RNFT2: variants seen among roughly 807,000 people sequenced by gnomAD.
RNFT2 encodes E3 ubiquitin-protein ligase RNFT2.
Under a neutral mutation model 53.0 loss-of-function variants are expected in RNFT2, and 36 were observed. That is an observed-to-expected ratio of 0.68 (90% CI 0.52 to 0.90). The LOEUF (loss-of-function observed/expected upper bound fraction) is 0.90, where lower values mean the gene tolerates loss of function less well. Among genes scored for constraint, RNFT2 ranks in the 40% least tolerant of loss-of-function variants. RNFT2 has a pLI of 0.00. For synonymous variants in RNFT2, 260 were observed against 253.2 expected, an observed-to-expected ratio of 1.03 and a Z score of -0.26; for missense variants, 514 against 585.6, an observed-to-expected ratio of 0.88 and a Z score of 1.26.
At chr12:116,793,843 C>G (rs1874361921) in intron 7 of RNFT2, among the ~76,000 whole-genome samples, 1 of 152,178 alleles carries the variant, frequency 6.6e-6, no homozygotes, top group African/African-American at 2.4e-5. Flanking sequence ...CTAGCATATA[C>G]CAGTATCTGA....
At chr12:116,797,625 G>T (rs772828681) in intron 7 of RNFT2, among the ~76,000 whole-genome samples, 1 of 151,870 alleles carries the variant, frequency 6.6e-6, no homozygotes, top group Admixed American at 6.6e-5. Context: ...AGACTGTGAG[G>T]GTTCTTGGCT....
intron 7 of RNFT2, chr12:116,782,078 C>CAAAAAAAAAAAAAAAAAAAAAA (rs1171955385): frequency 2.6e-3 from 3 of 1,148 alleles, no homozygotes; most frequent in African/African-American, 4.1e-3. Flanking sequence ...GACTCCGTCT[C>CAAAAAAAAAAAAAAAAAAAAAA]CAAAAAAAAA....
chr12:116,852,802 C>CTGGAG lies in RNFT2; in HGVS notation c.*3354_*3355insTGGAG. The CTGGAG allele has an allele frequency of 7.8e-7, 1 of 1,288,716 alleles. No homozygotes were observed. The highest frequency in any genetic ancestry group is 1.1e-6 in the Non-Finnish European group (1 of 887,330). The allele number at this position is 1,288,716 out of a possible 1,614,324, so 79.8% of individuals were successfully genotyped here. On this transcript the variant is annotated 3_prime_UTR_variant, in exon 11 of 11. Coordinates refer to ENST00000257575, the MANE Select transcript of RNFT2 (RefSeq NM_001382266.1). Reference sequence around the variant, plus strand: ...GGAAGTCACTCAGCCTCCCTGTAGCCATCTCCAGGGTGACGGAACCCAGTG... The same window carrying CTGGAG: ...GGAAGTCACTCAGCCTCCCTGTAGCCTGGAGATCTCCAGGGTGACGGAACCCAGTG...
chr12:116,749,027 A>C (rs1872041383), intron 3 of RNFT2, among the ~76,000 whole-genome samples: 1 of 152,188 alleles, frequency 6.6e-6, no homozygotes, highest in Non-Finnish European at 1.5e-5. Flanking sequence ...GGTTTCAATA[A>C]AGGTTACGAC....
intron 5 of RNFT2, among the ~76,000 whole-genome samples, chr12:116,754,747 A>G (rs1297236256): frequency 6.6e-6 from 1 of 152,194 alleles, no homozygotes; most frequent in Non-Finnish European, 1.5e-5. Flanking sequence ...AGCAGCGTTA[A>G]GCATTTTTTC....
At chr12:116,796,414 T>C (rs886363018) in intron 7 of RNFT2, among the ~76,000 whole-genome samples, 1 of 152,166 alleles carries the variant, frequency 6.6e-6, no homozygotes, top group Non-Finnish European at 1.5e-5. Context: ...TCCTGAATCA[T>C]CTTAACTAAG....
chr12:116,740,173 C>T (rs2137058208), intron 1 of RNFT2, among the ~76,000 whole-genome samples, 172 bp from the exon 2 acceptor site: 1 of 151,592 alleles, frequency 6.6e-6, no homozygotes, highest in Non-Finnish European at 1.5e-5. Flanking sequence ...AAGATCGCAC[C>T]ACTCCGTCTT....
chr12:116,826,706 T>C (rs1876357257), intron 7 of RNFT2, among the ~76,000 whole-genome samples: 1 of 152,198 alleles, frequency 6.6e-6, no homozygotes, highest in African/African-American at 2.4e-5. Context: ...TCTTCAGCGT[T>C]TCAACTCTCC....
chr12:116,771,589 T>C (rs1162066910), intron 6 of RNFT2, among the ~76,000 whole-genome samples: 6 of 151,312 alleles, frequency 4.0e-5, no homozygotes, highest in Admixed American at 3.3e-4. Flanking sequence ...GTAATAGCAG[T>C]GCTTTTTAAA....
intron 5 of RNFT2, among the ~76,000 whole-genome samples, chr12:116,759,240 C>A (rs1159653741): frequency 6.6e-6 from 1 of 152,106 alleles, no homozygotes; most frequent in Admixed American, 6.6e-5. Flanking sequence ...TATCTATTTC[C>A]TTGAATATTT....
chr12:116,747,181 C>G (rs1871941385), intron 3 of RNFT2, among the ~76,000 whole-genome samples: 1 of 152,152 alleles, frequency 6.6e-6, no homozygotes, highest in African/African-American at 2.4e-5. Context: ...CTCAGCCTCC[C>G]CACTAGCTGG....
Position 116,841,918 on chromosome 12 carries a change from TAA to T in RNFT2, c.1200+5640_1200+5641del, listed in dbSNP as rs1378781702. 1.9e-3 allele frequency among the ~76,000 whole-genome samples: 71 copies of T among 38,024 alleles called. 1 individual carries two copies. Among genetic ancestry groups the T allele is most frequent in the African/African-American group, 6.0e-3 (30 of 5,006 alleles). The allele number at this position is 38,024 out of a possible 152,430, so 24.9% of individuals were successfully genotyped here. A position where few individuals can be genotyped will look rare whatever the true frequency, so the allele number is the denominator to read the frequency against. On this transcript the variant is annotated intron_variant, in intron 10 of 10. Coordinates refer to ENST00000257575, the MANE Select transcript of RNFT2 (RefSeq NM_001382266.1). ...AAATATATATATATAAATATATATATAAAAATATATATATATAAATATATATA... is the reference window on the plus strand; with the variant it reads ...AAATATATATATATAAATATATATATAAATATATATATATAAATATATATA...
intron 4 of RNFT2, among the ~76,000 whole-genome samples, chr12:116,753,091 C>T (rs1459018200): frequency 6.7e-6 from 1 of 150,202 alleles, no homozygotes; most frequent in African/African-American, 2.4e-5. Flanking sequence ...TCTCATTGAA[C>T]ATTAAACTTG....
At chr12:116,769,451 C>A (rs1566075728) in intron 6 of RNFT2, among the ~76,000 whole-genome samples, 1 of 152,096 alleles carries the variant, frequency 6.6e-6, no homozygotes, top group Admixed American at 6.6e-5. Flanking sequence ...TGAAGATCTT[C>A]CAGTGGGACA....
At chr12:116,779,066 C>T in intron 6 of RNFT2, 129 bp from the exon 7 acceptor site, 1 of 956,396 alleles carries the variant, frequency 1.0e-6, no homozygotes, top group Non-Finnish European at 1.6e-6. Flanking sequence ...AGGAAAAGGA[C>T]ACAGACGTCT....
intron 7 of RNFT2, among the ~76,000 whole-genome samples, chr12:116,800,812 T>TCAAAATAAA (rs142455219): frequency 1.7e-5 from 2 of 114,864 alleles, no homozygotes; most frequent in African/African-American, 6.7e-5. Context: ...AGACTCCATC[T>TCAAAATAAA]TAAAATAAAA....
At chr12:116,795,590 G>C (rs1874465009) in intron 7 of RNFT2, among the ~76,000 whole-genome samples, 4 of 152,124 alleles carry the variant, frequency 2.6e-5, no homozygotes, top group Admixed American at 2.6e-4. Flanking sequence ...CGCAGAAATG[G>C]CTCACGGCTA....
chr12:116,824,264 A>G (rs891848465), intron 7 of RNFT2, among the ~76,000 whole-genome samples: 3 of 152,230 alleles, frequency 2.0e-5, no homozygotes, highest in South Asian at 4.1e-4. Context: ...CCTATGGGAA[A>G]CCCAGCTGTT....
At chr12:116,822,866 G>T (rs573017936) in intron 7 of RNFT2, among the ~76,000 whole-genome samples, 5 of 152,098 alleles carry the variant, frequency 3.3e-5, no homozygotes, top group Non-Finnish European at 7.4e-5. Context: ...CCATGGTGGT[G>T]CACGCCTATA....
Sources: gnomAD v4.1 joint callset for allele counts (sites outside exome capture counted in the v4.1 genomes callset) on GRCh38, gnomAD v4.1.1 for gene constraint, MANE v1.5 for transcripts, NCBI Gene and HGNC (gene_info 2026-07-23, HGNC 2026-07-21) for gene names.